USP3: variants seen among roughly 807,000 people sequenced by gnomAD.
The protein encoded by USP3 is ubiquitin specific peptidase 3.
Under a neutral mutation model 72.3 loss-of-function variants are expected in USP3, and 20 were observed. The ratio of observed to expected loss-of-function variants is 0.28; its 90% CI spans 0.19 to 0.40. The LOEUF (loss-of-function observed/expected upper bound fraction) is 0.40. Ranked by LOEUF, USP3 falls within the 10% of genes least tolerant of loss-of-function variation. USP3 has a pLI of 1.00. For synonymous variants in USP3, 222 were observed against 225.3 expected, an observed-to-expected ratio of 0.99 and a Z score of 0.13; for missense variants, 479 against 633.9, an observed-to-expected ratio of 0.76 and a Z score of 2.62.
At chr15:63,525,391 C>T (rs1174681047) in intron 1 of USP3, among the ~76,000 whole-genome samples, 1 of 152,170 alleles carries the variant, frequency 6.6e-6, no homozygotes, top group African/African-American at 2.4e-5. Flanking sequence ...TATGAGAACT[C>T]TCCTGTTGCC....
intron 2 of USP3, among the ~76,000 whole-genome samples, chr15:63,535,938 G>T (rs1212910533): frequency 6.6e-6 from 1 of 152,186 alleles, no homozygotes; most frequent in Non-Finnish European, 1.5e-5. Flanking sequence ...CCACACATTG[G>T]CTGCTTTCTA....
At chr15:63,520,630 C>T (rs1177244933) in intron 1 of USP3, among the ~76,000 whole-genome samples, 1 of 131,360 alleles carries the variant, frequency 7.6e-6, no homozygotes, top group Non-Finnish European at 1.5e-5. Context: ...ATGATGCAAT[C>T]TCGGCTCACT....
chr15:63,523,652 A>C (rs1567094185), intron 1 of USP3, among the ~76,000 whole-genome samples: 2 of 152,212 alleles, frequency 1.3e-5, no homozygotes. Context: ...GTTGTGGAAC[A>C]ATTTGCTAGG....
chr15:63,588,061 C>A lies in USP3; in HGVS notation c.1097-244C>A, dbSNP rs1045196051. On this transcript the variant is annotated intron_variant, in intron 11 of 14. Transcript: ENST00000380324. This position sits in a 1 kb window ranked among gnomAD's most constrained non-coding sequence, Gnocchi z 4.6. ...GAATTATCATTAATAGTAAAACCAA[C>A]ACAATTGATCATCACCAGATGTCAG... 14 of 334,876 alleles carry A rather than the reference C, an allele frequency of 4.2e-5. No individual in the cohort carries two copies. Among genetic ancestry groups the A allele is most frequent in the Non-Finnish European group, 6.5e-5 (12 of 184,686 alleles). 20.7% of individuals were successfully genotyped at this position (334,876 alleles called of 1,614,324 possible).
At chr15:63,522,053 C>T (rs949158214) in intron 1 of USP3, among the ~76,000 whole-genome samples, 1 of 152,148 alleles carries the variant, frequency 6.6e-6, no homozygotes, top group African/African-American at 2.4e-5. Context: ...GTTATTTTCC[C>T]GTTGTAGAGG....
At chr15:63,531,460 C>G (rs1196041614) in intron 1 of USP3, among the ~76,000 whole-genome samples, 2 of 152,110 alleles carry the variant, frequency 1.3e-5, no homozygotes, top group African/African-American at 4.8e-5. Flanking sequence ...GAATTTGGGT[C>G]CTGGTCAAGT....
chr15:63,511,515 GA>G (rs1472757202), intron 1 of USP3, among the ~76,000 whole-genome samples: 1 of 152,072 alleles, frequency 6.6e-6, no homozygotes, highest in African/African-American at 2.4e-5. Flanking sequence ...ATATAGTTTG[GA>G]AGAAACAACT....
intron 14 of USP3, among the ~76,000 whole-genome samples, chr15:63,590,344 AGTT>A (rs1378867736): frequency 6.6e-6 from 1 of 151,972 alleles, no homozygotes; most frequent in Admixed American, 6.6e-5. Flanking sequence ...TGTTAAGCTT[AGTT>A]TTTTCCTAAG....
At chr15:63,532,059 T>C (rs1378623541) in intron 1 of USP3, among the ~76,000 whole-genome samples, 2 of 152,200 alleles carry the variant, frequency 1.3e-5, no homozygotes, top group Non-Finnish European at 2.9e-5. Flanking sequence ...CCATACCTTC[T>C]TGCCTTCCCC....
intron 11 of USP3, among the ~76,000 whole-genome samples, chr15:63,583,744 G>A (rs2067004397): frequency 6.6e-6 from 1 of 152,090 alleles, no homozygotes; most frequent in African/African-American, 2.4e-5. Context: ...ATCCTTTTGT[G>A]ATTGGCTTAA....
At chr15:63,580,657 T>TAC (rs2066939295) in intron 11 of USP3, among the ~76,000 whole-genome samples, 2 of 63,118 alleles carry the variant, frequency 3.2e-5, no homozygotes, top group South Asian at 6.3e-4. Context: ...TATATGAATA[T>TAC]ATAATATATA....
chr15:63,534,357 C>T (rs2066122321), intron 2 of USP3, among the ~76,000 whole-genome samples: 1 of 152,140 alleles, frequency 6.6e-6, no homozygotes, highest in African/African-American at 2.4e-5. Flanking sequence ...ATTCTTCCCA[C>T]TAGGAAACAT....
intron 8 of USP3, among the ~76,000 whole-genome samples, chr15:63,569,043 A>T (rs2066738769): frequency 6.6e-6 from 1 of 152,200 alleles, no homozygotes; most frequent in Non-Finnish European, 1.5e-5. Flanking sequence ...TATAGCTATA[A>T]GGTGCTGGTT....
At chr15:63,537,874 G>A (rs113818391) in intron 3 of USP3, among the ~76,000 whole-genome samples, 3,489 of 152,084 alleles carry the variant, frequency 0.023, 135 homozygotes, top group African/African-American at 0.077. Flanking sequence ...TAGTAGAGAC[G>A]GAGTTTCACC....
rs1206789426 is a variant in USP3 at position 63,588,324 on chromosome 15, C to G, written c.1116C>G (p.Thr372=). ...CSLRDCLRSF[T]DLEELDETEL... ...GTTTAGATTGTCTTCGCAGTTTTACCGACTTAGAAGAACTTGATGAGACAG... is the reference window on the plus strand; with the variant it reads ...GTTTAGATTGTCTTCGCAGTTTTACGGACTTAGAAGAACTTGATGAGACAG... Residue 372 remains threonine (T), a synonymous_variant, in exon 12 of 15, where the codon ACC becomes ACG. Transcript: ENST00000380324. The surrounding 1 kb of genome is among the most constrained non-coding windows in gnomAD (Gnocchi z 4.6). The G allele has an allele frequency of 6.3e-7, 1 of 1,592,996 alleles. No individual in the cohort carries two copies. The highest frequency in any genetic ancestry group is 1.4e-5 in the African/African-American group (1 of 73,452).
rs550714522 is a variant in USP3 at position 63,564,136 on chromosome 15, A to G, written c.761+1128A>G. On this transcript the variant is annotated intron_variant, in intron 8 of 14. Coordinates refer to ENST00000380324, the MANE Select transcript of USP3 (RefSeq NM_006537.4). Reference sequence around the variant, plus strand: ...AATCACCTAGTAGACTCTTGATAGAAGTTTAGTCTTTGTGTTTTATTATTA... The same window carrying G: ...AATCACCTAGTAGACTCTTGATAGAGGTTTAGTCTTTGTGTTTTATTATTA... Among the ~76,000 whole-genome samples the G allele has an allele frequency of 2.7e-4, 41 of 152,310 alleles. 2 individuals are homozygous for G. The South Asian group carries it at 8.3e-3, about 31-fold the overall frequency.
intron 2 of USP3, among the ~76,000 whole-genome samples, chr15:63,535,033 GT>G (rs2066135760): frequency 6.6e-6 from 1 of 152,110 alleles, no homozygotes; most frequent in Admixed American, 6.5e-5. Flanking sequence ...CTGGGTTCAA[GT>G]GATTCTCATG....
chr15:63,528,916 G>C lies in USP3; in HGVS notation c.92-3731G>C. On this transcript the variant is annotated intron_variant, in intron 1 of 14. Coordinates refer to ENST00000380324, the MANE Select transcript of USP3 (RefSeq NM_006537.4). The surrounding 1 kb of genome is among the most constrained non-coding windows in gnomAD (Gnocchi z 4.3). Reference sequence around the variant, plus strand: ...TGGGTACATTAAAGGTTCTTAATTTGGATGAAGCATGTATAAACAGAGTGA... The same window carrying C: ...TGGGTACATTAAAGGTTCTTAATTTCGATGAAGCATGTATAAACAGAGTGA... The C allele has an allele frequency of 1.1e-6, 1 of 911,122 alleles. No individual in the cohort carries two copies. The highest frequency in any genetic ancestry group is 3.3e-5 in the Admixed American group (1 of 30,462). 56.4% of individuals were successfully genotyped at this position (911,122 alleles called of 1,614,324 possible).
rs1364900397 is a variant in USP3, at chr15:63,570,061, G to T, written c.762-372G>T. The stretch of plus-strand genomic sequence containing the variant: ...TCTTCTAGAGAGGTTATGTGGGCAG[G>T]GAGAAGAGTCAGAGTCCACCAGGAA... On this transcript the variant is annotated intron_variant, in intron 8 of 14. Transcript: ENST00000380324. The surrounding 1 kb of genome is among the most constrained non-coding windows in gnomAD (Gnocchi z 4.4). Among the ~76,000 whole-genome samples the T allele has an allele frequency of 5.9e-5, 9 of 152,124 alleles. No homozygotes were observed. Among genetic ancestry groups the T allele is most frequent in the Non-Finnish European group, 1.5e-5 (1 of 68,020 alleles).
Sources: gnomAD v4.1 joint callset for allele counts (sites outside exome capture counted in the v4.1 genomes callset) on GRCh38, gnomAD v4.1.1 for gene constraint, Gnocchi (gnomAD v3.1) non-coding constraint, MANE v1.5 for transcripts, NCBI Gene and HGNC (gene_info 2026-07-23, HGNC 2026-07-21) for gene names.